Variants in ANGPT1 observed in about 807,000 individuals in gnomAD.
ANGPT1 encodes the protein angiopoietin-1.
ANGPT1 carries 17 observed loss-of-function variants against 62.2 expected under a neutral mutation model. The ratio of observed to expected loss-of-function variants is 0.27; its 90% CI spans 0.19 to 0.41. ANGPT1 has a LOEUF of 0.41. ANGPT1 is among the 10% of genes least tolerant of loss of function. The pLI is 1.00. For synonymous variants in ANGPT1, 199 were observed against 198.9 expected, an observed-to-expected ratio of 1.00 and a Z score of 0.00; for missense variants, 478 against 594.9, an observed-to-expected ratio of 0.80 and a Z score of 2.04.
chr8:107,422,250 C>T (rs550584408), intron 1 of ANGPT1, among the ~76,000 whole-genome samples: 2 of 152,118 alleles, frequency 1.3e-5, no homozygotes, highest in African/African-American at 4.8e-5. Context: ...CAATCTGATT[C>T]CCCATTTAAA....
At chr8:107,486,534 C>T (rs550318739) in intron 1 of ANGPT1, among the ~76,000 whole-genome samples, 44 of 152,232 alleles carry the variant, frequency 2.9e-4, no homozygotes, top group African/African-American at 1.0e-3. Flanking sequence ...CAGAACTTCC[C>T]CTAGTAATAA....
At chr8:107,299,629 A>G (rs1289579721) in intron 5 of ANGPT1, among the ~76,000 whole-genome samples, 3 of 139,026 alleles carry the variant, frequency 2.2e-5, no homozygotes, top group African/African-American at 5.2e-5. Flanking sequence ...CTATATATAG[A>G]TCTCTATATA....
At chr8:107,484,037 C>T (rs866049503) in intron 1 of ANGPT1, among the ~76,000 whole-genome samples, 30 of 152,198 alleles carry the variant, frequency 2.0e-4, no homozygotes, top group African/African-American at 6.8e-4. Context: ...AAATTATTCT[C>T]ATTGCCAAAG....
At chr8:107,417,402 T>C (rs534043706) in intron 1 of ANGPT1, among the ~76,000 whole-genome samples, 1 of 152,220 alleles carries the variant, frequency 6.6e-6, no homozygotes, top group Non-Finnish European at 1.5e-5. Flanking sequence ...ACATCCTAAC[T>C]ATTATCTGGA....
intron 1 of ANGPT1, among the ~76,000 whole-genome samples, chr8:107,369,571 C>T (rs1385627067): frequency 6.6e-6 from 1 of 152,182 alleles, no homozygotes; most frequent in Non-Finnish European, 1.5e-5. Context: ...GCCTTCTTCA[C>T]TATGCTTAAT....
chr8:107,386,450 AG>A (rs1816733688), intron 1 of ANGPT1, among the ~76,000 whole-genome samples: 1 of 152,164 alleles, frequency 6.6e-6, no homozygotes, highest in Non-Finnish European at 1.5e-5. Context: ...AGAAAAAAGA[AG>A]AGAGGCTGCC....
chr8:107,425,670 T>C (rs1198829375), intron 1 of ANGPT1, among the ~76,000 whole-genome samples: 1 of 152,156 alleles, frequency 6.6e-6, no homozygotes, highest in African/African-American at 2.4e-5. Context: ...GATCCTGGGG[T>C]TATCCCAACC....
At chr8:107,462,414 G>A (rs564498960) in intron 1 of ANGPT1, among the ~76,000 whole-genome samples, 110 of 151,406 alleles carry the variant, frequency 7.3e-4, no homozygotes, top group African/African-American at 2.3e-3. Flanking sequence ...AAAAAAAATA[G>A]GATCACAATG....
intron 1 of ANGPT1, among the ~76,000 whole-genome samples, chr8:107,407,217 A>G (rs920697782): frequency 7.9e-5 from 12 of 152,144 alleles, no homozygotes; most frequent in African/African-American, 2.9e-4. Context: ...CAAGCATTTA[A>G]AAACACTCTG....
At chr8:107,461,091 T>C (rs1812059762) in intron 1 of ANGPT1, among the ~76,000 whole-genome samples, 3 of 152,154 alleles carry the variant, frequency 2.0e-5, no homozygotes, top group African/African-American at 7.2e-5. Flanking sequence ...TATGTGTAAC[T>C]AAAAACCTGA....
At chr8:107,466,684 G>A (rs1586346415) in intron 1 of ANGPT1, among the ~76,000 whole-genome samples, 1 of 152,084 alleles carries the variant, frequency 6.6e-6, no homozygotes, top group Non-Finnish European at 1.5e-5. Flanking sequence ...GAAAGAGGCC[G>A]GTGGATCACC....
intron 7 of ANGPT1, among the ~76,000 whole-genome samples, chr8:107,279,212 A>G (rs566582691): frequency 5.3e-4 from 80 of 152,182 alleles, no homozygotes; most frequent in Non-Finnish European, 9.3e-4. Context: ...GATCAAATTT[A>G]ATTTTTTATC....
chr8:107,390,407 T>G (rs953233634), intron 1 of ANGPT1, among the ~76,000 whole-genome samples: 1 of 152,186 alleles, frequency 6.6e-6, no homozygotes, highest in African/African-American at 2.4e-5. Flanking sequence ...TTTAAAATAT[T>G]GAGCTGAATA....
intron 1 of ANGPT1, among the ~76,000 whole-genome samples, chr8:107,391,586 G>A (rs1816836800): frequency 6.6e-6 from 1 of 152,130 alleles, no homozygotes; most frequent in Non-Finnish European, 1.5e-5. Context: ...AGAATCGCTT[G>A]AACCCGAGAG....
intron 1 of ANGPT1, among the ~76,000 whole-genome samples, chr8:107,496,826 C>T (rs574325152): frequency 1.3e-5 from 2 of 152,212 alleles, no homozygotes; most frequent in African/African-American, 4.8e-5. Flanking sequence ...AAAACAAATA[C>T]TTTGTGATGA....
At chr8:107,472,513 A>T (rs1482989364) in intron 1 of ANGPT1, among the ~76,000 whole-genome samples, 1 of 152,130 alleles carries the variant, frequency 6.6e-6, no homozygotes, top group African/African-American at 2.4e-5. Context: ...AAGGTACTTA[A>T]CGTTTGTTGG....
intron 4 of ANGPT1, among the ~76,000 whole-genome samples, chr8:107,306,025 A>G (rs1193849211): frequency 1.3e-5 from 2 of 152,034 alleles, no homozygotes; most frequent in East Asian, 3.9e-4. Flanking sequence ...AGGTAGTTAT[A>G]AATACCTCTG....
chr8:107,287,268 A>G lies in ANGPT1; in HGVS notation c.1039-2420T>C, dbSNP rs1317486234. On this transcript the variant is annotated intron_variant, in intron 6 of 8. Transcript: ENST00000517746. ...CACGCAGTGATCCTGGGTGAGCCTT[A>G]GAAATGGACAAGCATTAGCCTCATT... 3.3e-5 allele frequency among the ~76,000 whole-genome samples: 5 copies of G among 152,152 alleles called. No homozygotes were observed. The South Asian group carries it at 6.2e-4, about 19-fold the overall frequency.
In ANGPT1 at chr8:107,374,234, A is replaced by G. The variant is rs188335796; in HGVS notation, c.298-27137T>C. On this transcript the variant is annotated intron_variant, in intron 1 of 8. Transcript: ENST00000517746. ...TATAGCAGTCGTAAGAAAACAGGAG[A>G]CCAGAAGAGCCAACTGCAATAGACT... Among the ~76,000 whole-genome samples, 310 of 152,294 alleles carry G rather than the reference A, an allele frequency of 2.0e-3. 1 individual carries two copies. The highest frequency in any genetic ancestry group is 3.4e-3 in the Non-Finnish European group (228 of 68,020).
Sources: allele counts gnomAD v4.1 joint callset (sites outside exome capture counted in the v4.1 genomes callset), GRCh38; gene constraint gnomAD v4.1.1; transcripts MANE v1.5; gene names NCBI Gene and HGNC (gene_info 2026-07-23, HGNC 2026-07-21).